The following CTNNA3 variants were observed in gnomAD, a reference collection of about 807,000 sequenced individuals.
CTNNA3 encodes catenin alpha 3, also known as catenin alpha-3.
A neutral mutation model predicts 95.7 loss-of-function variants in CTNNA3; 76 were observed. That is an observed-to-expected ratio of 0.79 (90% CI 0.66 to 0.96). CTNNA3 has a LOEUF of 0.96. Ranked by LOEUF, CTNNA3 falls within the 40% of genes least tolerant of loss-of-function variation. CTNNA3 has a pLI of 0.00. For missense variants in CTNNA3, 1,191 were observed against 1,089.8 expected, an observed-to-expected ratio of 1.09 and a Z score of -1.31; for synonymous variants, 431 against 374.4, an observed-to-expected ratio of 1.15 and a Z score of -1.74.
chr10:66,865,634 A>G (rs902778711), intron 7 of CTNNA3, among the ~76,000 whole-genome samples: 6 of 152,152 alleles, frequency 3.9e-5, no homozygotes, highest in African/African-American at 1.4e-4. Context: ...TAAAATATGT[A>G]AACGTAATGG....
intron 9 of CTNNA3, among the ~76,000 whole-genome samples, chr10:66,665,848 T>C (rs1325521669): frequency 1.3e-5 from 2 of 152,122 alleles, no homozygotes; most frequent in African/African-American, 2.4e-5. Context: ...TTCTCAGAGA[T>C]TACACTTTCC....
chr10:66,004,438 G>A (rs1201854207), intron 15 of CTNNA3, among the ~76,000 whole-genome samples: 1 of 151,986 alleles, frequency 6.6e-6, no homozygotes, highest in Admixed American at 6.6e-5. Context: ...ATCTAAGGGG[G>A]GGAATTACTA....
intron 3 of CTNNA3, among the ~76,000 whole-genome samples, chr10:67,589,336 T>C (rs1842727546): frequency 6.6e-6 from 1 of 152,174 alleles, no homozygotes; most frequent in South Asian, 2.1e-4. Flanking sequence ...ACATATCTTA[T>C]TTATTTTTAT....
chr10:67,052,313 ACTCTCTCTCTCTCTCTCTCT>A (rs3841706), intron 7 of CTNNA3, among the ~76,000 whole-genome samples: 1 of 121,070 alleles, frequency 8.3e-6, no homozygotes, highest in African/African-American at 3.3e-5. Flanking sequence ...CCCACTCATC[ACTCTCTCTCTCTCTCTCTCT>A]CTCTCTCTCT....
intron 13 of CTNNA3, among the ~76,000 whole-genome samples, chr10:66,260,280 CTTAAAG>C (rs1222794442): frequency 6.6e-6 from 1 of 152,250 alleles, no homozygotes; most frequent in South Asian, 2.1e-4. Flanking sequence ...GGAGAAATAT[CTTAAAG>C]TTAATCATCT....
chr10:66,999,028 T>C (rs936328732), intron 7 of CTNNA3, among the ~76,000 whole-genome samples: 3 of 152,168 alleles, frequency 2.0e-5, no homozygotes, highest in Admixed American at 6.5e-5. Flanking sequence ...TAGAAATGTA[T>C]TTATTACTAT....
In CTNNA3 at chr10:67,606,878, G is replaced by A. The variant is rs1373463001; in HGVS notation, c.271C>T (p.Leu91Phe). 6.2e-7 allele frequency: 1 copy of A among 1,613,664 alleles called. No homozygotes were observed. The highest frequency in any genetic ancestry group is 2.2e-5 in the East Asian group (1 of 44,880). Residue 91 changes from leucine (L) to phenylalanine (F), a missense_variant, in exon 3 of 18, where the codon CTT becomes TTT. Transcript: ENST00000433211. ...TCACTTTCTTTGCGAACTTCCTCAA[G>A]TGAAGCCGTAAGCTCATCCTTTAAA... ...TVLKDELTAS[L>F]EEVRKESEAL...
intron 10 of CTNNA3, among the ~76,000 whole-genome samples, chr10:66,620,077 G>A (rs903191029): frequency 6.6e-6 from 1 of 152,064 alleles, no homozygotes; most frequent in Non-Finnish European, 1.5e-5. Flanking sequence ...ATAAATATCT[G>A]TATGTTGAAT....
At chr10:66,011,049 G>T (rs758303986) in intron 15 of CTNNA3, among the ~76,000 whole-genome samples, 1 of 152,160 alleles carries the variant, frequency 6.6e-6, no homozygotes, top group African/African-American at 2.4e-5. Flanking sequence ...CCTCATTCTG[G>T]CTAATCTTGT....
At chr10:66,443,840 T>G (rs1033024183) in intron 11 of CTNNA3, among the ~76,000 whole-genome samples, 1 of 151,884 alleles carries the variant, frequency 6.6e-6, no homozygotes, top group Admixed American at 6.6e-5. Flanking sequence ...CATTGATGAG[T>G]TGAGAGAAGA....
At chr10:66,950,031 A>T (rs959292105) in intron 7 of CTNNA3, among the ~76,000 whole-genome samples, 3 of 152,158 alleles carry the variant, frequency 2.0e-5, no homozygotes, top group African/African-American at 7.2e-5. Context: ...TTCTCTATGC[A>T]ATTACTCTTA....
At chr10:67,608,079 C>T (rs972366171) in intron 2 of CTNNA3, among the ~76,000 whole-genome samples, 2 of 151,912 alleles carry the variant, frequency 1.3e-5, no homozygotes, top group Admixed American at 1.3e-4. Context: ...GGCCTCTTGA[C>T]AGGGGACTTT....
At chr10:66,557,966 T>C (rs1842442205) in intron 10 of CTNNA3, among the ~76,000 whole-genome samples, 1 of 152,090 alleles carries the variant, frequency 6.6e-6, no homozygotes, top group Non-Finnish European at 1.5e-5. Context: ...ATTGAGTCTG[T>C]GGAGGTATTT....
intron 11 of CTNNA3, among the ~76,000 whole-genome samples, chr10:66,398,132 T>C (rs550604162): frequency 6.6e-6 from 1 of 152,066 alleles, no homozygotes; most frequent in African/African-American, 2.4e-5. Flanking sequence ...GTTTATATTC[T>C]CTTTCTTTTC....
At chr10:66,034,419 A>C (rs1190647179) in intron 15 of CTNNA3, among the ~76,000 whole-genome samples, 1 of 152,132 alleles carries the variant, frequency 6.6e-6, no homozygotes, top group Admixed American at 6.6e-5. Context: ...TTGCTGTTGA[A>C]TTTCTGGAGC....
intron 3 of CTNNA3, among the ~76,000 whole-genome samples, chr10:67,593,791 C>T (rs1842853871): frequency 6.6e-6 from 1 of 152,008 alleles, no homozygotes; most frequent in Non-Finnish European, 1.5e-5. Flanking sequence ...ACTTCCAGTA[C>T]TATGTTGAAT....
At chr10:67,726,403 T>TATATAATATATAATATTATATATG (rs1841218947) in intron 1 of CTNNA3, among the ~76,000 whole-genome samples, 1 of 37,526 alleles carries the variant, frequency 2.7e-5, no homozygotes, top group African/African-American at 1.9e-4. Flanking sequence ...TATTATATAT[T>TATATAATATATAATATTATATATG]ATATCATATA....
At chr10:67,167,828 G>T (rs565671688) in intron 7 of CTNNA3, among the ~76,000 whole-genome samples, 18 of 152,064 alleles carry the variant, frequency 1.2e-4, no homozygotes, top group African/African-American at 4.3e-4. Context: ...CATTTTTAAA[G>T]TTATAAAAAT....
intron 11 of CTNNA3, among the ~76,000 whole-genome samples, chr10:66,431,814 G>A (rs1053800182): frequency 4.6e-5 from 7 of 151,480 alleles, no homozygotes; most frequent in African/African-American, 1.7e-4. Context: ...CAGTTAATGG[G>A]TGCAGCACAC....
Sources: gnomAD v4.1 joint callset for allele counts (sites outside exome capture counted in the v4.1 genomes callset) on GRCh38, gnomAD v4.1.1 for gene constraint, MANE v1.5 for transcripts, NCBI Gene and HGNC (gene_info 2026-07-23, HGNC 2026-07-21) for gene names.